The following ZFHX3 variants were observed in gnomAD, a reference collection of about 807,000 sequenced individuals.
The protein encoded by ZFHX3 is zinc finger homeobox protein 3.
In ZFHX3, 42 loss-of-function variants were observed where a neutral mutation model predicts 279.1. The observed-to-expected ratio is 0.15, with a 90% confidence interval of 0.12 to 0.19. The LOEUF (loss-of-function observed/expected upper bound fraction) is 0.19. Among genes scored for constraint, ZFHX3 ranks in the 10% least tolerant of loss-of-function variants. The pLI is 1.00. For missense variants in ZFHX3, 4,981 were observed against 4,754.0 expected, an observed-to-expected ratio of 1.05 and a Z score of -1.40; for synonymous variants, 2,293 against 1,957.8, an observed-to-expected ratio of 1.17 and a Z score of -4.52.
chr16:73,822,018 G>A (rs1222081413), intron 1 of ZFHX3, among the ~76,000 whole-genome samples: 1 of 152,118 alleles, frequency 6.6e-6, no homozygotes, highest in Non-Finnish European at 1.5e-5. Flanking sequence ...CACAGTTGAG[G>A]CACTGCCTTC....
At chr16:73,074,622 G>A (rs558778855) in intron 8 of ZFHX3, among the ~76,000 whole-genome samples, 18 of 148,946 alleles carry the variant, frequency 1.2e-4, no homozygotes, top group African/African-American at 3.9e-4. Flanking sequence ...CAATGATGAC[G>A]ACACTAAACT....
At chr16:73,651,124 G>C (rs1300385654) in intron 2 of ZFHX3, among the ~76,000 whole-genome samples, 1 of 151,262 alleles carries the variant, frequency 6.6e-6, no homozygotes, top group Non-Finnish European at 1.5e-5. Flanking sequence ...AAAAAATATA[G>C]AAATTGAAAT....
intron 5 of ZFHX3, among the ~76,000 whole-genome samples, chr16:72,812,920 A>C (rs2036501320): frequency 1.3e-5 from 2 of 152,216 alleles, no homozygotes; most frequent in Non-Finnish European, 2.9e-5. Flanking sequence ...TTTTAACCCC[A>C]ATCAGTAGGC....
chr16:73,547,128 T>C (rs556853873), intron 2 of ZFHX3, among the ~76,000 whole-genome samples: 198 of 152,110 alleles, frequency 1.3e-3, no homozygotes, highest in African/African-American at 4.2e-3. Context: ...CAATGTAGGA[T>C]GGAGAGATTT....
intron 8 of ZFHX3, among the ~76,000 whole-genome samples, chr16:73,072,250 G>A (rs1656556091): frequency 1.3e-5 from 2 of 152,194 alleles, no homozygotes; most frequent in South Asian, 4.2e-4. Context: ...TTCAAGACCA[G>A]CCTGGCCAAC....
chr16:73,039,555 G>A (rs1965037302), intron 1 of ZFHX3, among the ~76,000 whole-genome samples: 1 of 152,218 alleles, frequency 6.6e-6, no homozygotes, highest in Admixed American at 6.5e-5. Flanking sequence ...CTGGCATCTA[G>A]TGGGGAGATG....
chr16:73,614,591 CA>C (rs923513959), intron 2 of ZFHX3, among the ~76,000 whole-genome samples: 19 of 152,132 alleles, frequency 1.2e-4, no homozygotes, highest in African/African-American at 4.6e-4. Flanking sequence ...GTGTTGAAAT[CA>C]GGGAAGATCT....
rs115284700 is a variant in ZFHX3 at position 73,854,220 on chromosome 16, A to G, written c.-1608+37431T>C. ...GGTTCTCTTTGGCTGGGAAATTTAA[A>G]GAGCATTATAAATAGTACACATCGG... On this transcript the variant is annotated intron_variant, in intron 1 of 17. Coordinates refer to the ZFHX3 transcript ENST00000641206. 2.1e-3 allele frequency among the ~76,000 whole-genome samples: 327 copies of G among 152,318 alleles called. 1 individual carries two copies. Among genetic ancestry groups the G allele is most frequent in the African/African-American group, 7.3e-3 (304 of 41,562 alleles).
chr16:73,881,472 CTCT>C, intron 1 of ZFHX3, among the ~76,000 whole-genome samples: 1 of 79,596 alleles, frequency 1.3e-5, no homozygotes, highest in Admixed American at 1.4e-4. Context: ...CTCTCTCTCT[CTCT>C]CTCTGCCCCC....
intron 5 of ZFHX3, among the ~76,000 whole-genome samples, chr16:72,825,722 T>C (rs138147907): frequency 3.5e-3 from 536 of 152,346 alleles, no homozygotes; most frequent in African/African-American, 0.011. Context: ...GTACCTATGA[T>C]GCATTCTTTC....
intron 2 of ZFHX3, among the ~76,000 whole-genome samples, chr16:73,653,813 A>C (rs2052694708): frequency 1.3e-5 from 2 of 151,570 alleles, no homozygotes; most frequent in South Asian, 4.1e-4. Flanking sequence ...TAAAGAATAA[A>C]GAAAAGGTAA....
chr16:72,825,462 G>C (rs1321510677), intron 5 of ZFHX3, among the ~76,000 whole-genome samples: 2 of 152,214 alleles, frequency 1.3e-5, no homozygotes, highest in African/African-American at 2.4e-5. Flanking sequence ...AAGTGCAAAA[G>C]CCAGTGTGTA....
At chr16:73,280,200 T>C (rs1000515690) in intron 4 of ZFHX3, among the ~76,000 whole-genome samples, 1 of 152,150 alleles carries the variant, frequency 6.6e-6, no homozygotes, top group African/African-American at 2.4e-5. Context: ...AGATCCTTGA[T>C]ATTGGATGTA....
intron 8 of ZFHX3, 55 bp from the exon 9 acceptor site, chr16:72,798,769 G>C (rs2036003025): frequency 1.1e-5 from 17 of 1,503,888 alleles, no homozygotes; most frequent in Non-Finnish European, 1.4e-5. Flanking sequence ...TTTGTTTCAA[G>C]GATGGCACCC....
chr16:73,217,995 T>C (rs533039163), intron 5 of ZFHX3, among the ~76,000 whole-genome samples: 1 of 152,222 alleles, frequency 6.6e-6, no homozygotes, highest in Admixed American at 6.5e-5. Context: ...ATTTCTAGAG[T>C]ATAGAAGCTC....
At chr16:72,789,906 T>C (rs528892255) in intron 9 of ZFHX3, 1 of 152,378 alleles carries the variant, frequency 6.6e-6, no homozygotes, top group African/African-American at 2.4e-5. Flanking sequence ...AGAAGTGGAA[T>C]AGCCCAAGAT....
At chr16:73,298,070 A>G (rs2014960016) in intron 4 of ZFHX3, among the ~76,000 whole-genome samples, 1 of 151,764 alleles carries the variant, frequency 6.6e-6, no homozygotes, top group African/African-American at 2.4e-5. Context: ...ATGTGCCTAT[A>G]ATACTAGCGA....
intron 7 of ZFHX3, among the ~76,000 whole-genome samples, chr16:73,130,005 G>A (rs2065286848): frequency 6.6e-6 from 1 of 152,092 alleles, no homozygotes; most frequent in Non-Finnish European, 1.5e-5. Context: ...GACAATGAAG[G>A]CCAGAATTCC....
At chr16:73,733,828 A>G (rs965405005) in intron 1 of ZFHX3, among the ~76,000 whole-genome samples, 1 of 152,232 alleles carries the variant, frequency 6.6e-6, no homozygotes, top group South Asian at 2.1e-4. Flanking sequence ...ATTAAAATAC[A>G]TCCCCCAAAA....
Sources: gnomAD v4.1 joint callset for allele counts (sites outside exome capture counted in the v4.1 genomes callset) on GRCh38, gnomAD v4.1.1 for gene constraint, MANE v1.5 for transcripts, NCBI Gene and HGNC (gene_info 2026-07-23, HGNC 2026-07-21) for gene names.